The following PRRC2B variants were observed in gnomAD, a reference collection of about 807,000 sequenced individuals.
The protein encoded by PRRC2B is proline rich coiled-coil 2B.
Under a neutral mutation model 242.3 loss-of-function variants are expected in PRRC2B, and 68 were observed. The ratio of observed to expected loss-of-function variants is 0.28; its 90% CI spans 0.23 to 0.34. The LOEUF (loss-of-function observed/expected upper bound fraction) is 0.34, where lower values mean the gene tolerates loss of function less well. PRRC2B is among the 10% of genes least tolerant of loss of function. The probability of loss-of-function intolerance (pLI) is 1.00; values close to 1 mark genes in which losing one functional copy is unlikely to be tolerated. For synonymous variants in PRRC2B, 1,228 were observed against 1,173.6 expected (o/e 1.05, Z -0.95); for missense variants, 2,835 against 2,954.8 (o/e 0.96, Z 0.94).
chr9:131,456,481 A>T (rs1341975114), intron 10 of PRRC2B, among the ~76,000 whole-genome samples: 1 of 151,914 alleles, frequency 6.6e-6, no homozygotes, highest in Non-Finnish European at 1.5e-5. Flanking sequence ...AATACAAAAA[A>T]CTAGCTGGGC....
chr9:131,396,007 C>G (rs926309727), intron 1 of PRRC2B, among the ~76,000 whole-genome samples: 6 of 152,188 alleles, frequency 3.9e-5, no homozygotes, highest in African/African-American at 1.4e-4. Flanking sequence ...AAGTGTGTCT[C>G]TTGGAGCCTG....
intron 1 of PRRC2B, among the ~76,000 whole-genome samples, chr9:131,402,500 G>A (rs1172218289): frequency 6.6e-6 from 1 of 152,078 alleles, no homozygotes; most frequent in Non-Finnish European, 1.5e-5. Context: ...ATTCAGCGAC[G>A]GGCAGCAGCC....
Position 131,465,016 on chromosome 9 carries a change from T to C in PRRC2B, c.1658T>C (p.Val553Ala), listed in dbSNP as rs748619455. The change falls in exon 12 of 32, where the codon GTG (valine) becomes GCG (alanine). Residue 553 changes from valine to alanine, a missense_variant. By Grantham distance (64) the Val-to-Ala change is moderately conservative. Coordinates refer to ENST00000683519, the MANE Select transcript of PRRC2B (RefSeq NM_013318.4). ...GEARKQAEKEVPWSPSAEKAS... is the reference protein window; with the variant it reads ...GEARKQAEKEAPWSPSAEKAS... ...GCCCGGAAGCAGGCAGAGAAGGAAG[T>C]GCCCTGGTCTCCAAGTGCTGAGAAG... is the stretch of plus-strand genomic sequence containing the variant. 2 of 1,613,922 alleles carry C rather than the reference T, an allele frequency of 1.2e-6. No homozygotes were observed. The highest frequency in any genetic ancestry group is 1.7e-6 in the Non-Finnish European group (2 of 1,179,890).
chr9:131,440,610 G>A (rs564091157), intron 5 of PRRC2B, among the ~76,000 whole-genome samples: 1 of 152,286 alleles, frequency 6.6e-6, no homozygotes, highest in East Asian at 1.9e-4. Flanking sequence ...TGTGTGAAAT[G>A]ACTTGCGCAT....
intron 6 of PRRC2B, among the ~76,000 whole-genome samples, chr9:131,444,799 G>A (rs926370898): frequency 5.3e-5 from 8 of 152,164 alleles, no homozygotes; most frequent in Non-Finnish European, 1.0e-4. Flanking sequence ...ACATAAATCA[G>A]CCTGGTACTG....
rs1022959646 is a variant in PRRC2B at position 131,494,225 on chromosome 9, C to T, written c.6474-180C>T. ...TGACAGCCACCCCCTCACCCTTCTG[C>T]GTTCTGGGCTGTCTTAGGTCTGTGG... On this transcript the variant is annotated intron_variant, in intron 30 of 31. Transcript: ENST00000683519. This position sits in a 1 kb window ranked among gnomAD's most constrained non-coding sequence, Gnocchi z 4.3. 6.6e-6 allele frequency among the ~76,000 whole-genome samples: 1 copy of T among 152,236 alleles called. No individual in the cohort carries two copies. Among genetic ancestry groups the T allele is most frequent in the Non-Finnish European group, 1.5e-5 (1 of 68,046 alleles).
At chr9:131,492,944 T>C (rs1004637996) in intron 30 of PRRC2B, among the ~76,000 whole-genome samples, 6 of 152,292 alleles carry the variant, frequency 3.9e-5, no homozygotes, top group Admixed American at 3.3e-4. Context: ...TGTGGGAGAT[T>C]CCTGAGACCC....
At chr9:131,422,199 C>T (rs7854370) in intron 1 of PRRC2B, among the ~76,000 whole-genome samples, 268 of 152,172 alleles carry the variant, frequency 1.8e-3, no homozygotes, top group African/African-American at 6.2e-3. Flanking sequence ...GGATTACAGG[C>T]GCGCGCCACC....
chr9:131,473,912 G>A (rs944770778), intron 15 of PRRC2B, among the ~76,000 whole-genome samples, 188 bp downstream of exon 15: 1 of 152,160 alleles, frequency 6.6e-6, no homozygotes, highest in Non-Finnish European at 1.5e-5. Flanking sequence ...TGTCCAAGAG[G>A]CTCTTTTCAG....
At chr9:131,433,160 G>C (rs921164014) in intron 3 of PRRC2B, among the ~76,000 whole-genome samples, 3 of 152,200 alleles carry the variant, frequency 2.0e-5, no homozygotes, top group Non-Finnish European at 4.4e-5. Context: ...GGACAGAGCT[G>C]GGGCTTGAGG....
At chr9:131,380,945 G>T (rs932791619) in intron 1 of PRRC2B, among the ~76,000 whole-genome samples, 1 of 150,868 alleles carries the variant, frequency 6.6e-6, no homozygotes, top group Non-Finnish European at 1.5e-5. Flanking sequence ...CAGACATATG[G>T]TGTACACATA....
intron 1 of PRRC2B, among the ~76,000 whole-genome samples, chr9:131,420,493 C>CTTTCTTTCTT: frequency 8.3e-4 from 25 of 30,182 alleles, no homozygotes; most frequent in Non-Finnish European, 1.0e-3. Flanking sequence ...TTCTTTCTTT[C>CTTTCTTTCTT]TTTTTTTTTT....
chr9:131,421,014 T>A (rs752812107), intron 1 of PRRC2B, among the ~76,000 whole-genome samples: 25 of 152,176 alleles, frequency 1.6e-4, no homozygotes, highest in Non-Finnish European at 4.4e-5. Context: ...GCAGCCCACC[T>A]CCTGTTTTTG....
intron 28 of PRRC2B, chr9:131,490,902 C>T: frequency 3.2e-6 from 1 of 311,768 alleles, no homozygotes; most frequent in South Asian, 2.8e-5. Flanking sequence ...CCCACCCCGC[C>T]CCGTGTGCAC....
chr9:131,444,007 A>G (rs999677288), intron 5 of PRRC2B, among the ~76,000 whole-genome samples, 178 bp from the exon 6 acceptor site: 1 of 152,232 alleles, frequency 6.6e-6, no homozygotes, highest in Non-Finnish European at 1.5e-5. Flanking sequence ...TGTCAGCAGC[A>G]GTCTCCCTTG....
At chr9:131,433,217 G>GA (rs1838237059) in intron 3 of PRRC2B, among the ~76,000 whole-genome samples, 1 of 152,206 alleles carries the variant, frequency 6.6e-6, no homozygotes, top group Non-Finnish European at 1.5e-5. Context: ...GCTCTGCAGA[G>GA]AATCATGCAG....
Position 131,476,323 on chromosome 9 carries a change from C to T in PRRC2B, c.4194C>T (p.Asp1398=), listed in dbSNP as rs1368028480. 1.3e-6 allele frequency: 2 copies of T among 1,581,436 alleles called. No individual in the cohort carries two copies. Among genetic ancestry groups the T allele is most frequent in the Non-Finnish European group, 1.7e-6 (2 of 1,164,190 alleles). ...GGGAAGGCCCTGGGTCCGAGCCCGA[C>T]TCCCAGGTGGATGGTGGCCTGTCGG... ...ERREGPGSEP[D]SQVDGGLSGA... The change falls in exon 16 of 32, where the codon GAC becomes GAT. Residue 1398 remains aspartate (D), a synonymous_variant. Transcript: ENST00000683519.
chr9:131,451,514 C>G (rs1201028189), intron 9 of PRRC2B, among the ~76,000 whole-genome samples: 1 of 152,040 alleles, frequency 6.6e-6, no homozygotes, highest in African/African-American at 2.4e-5. Context: ...TACATAAACC[C>G]TTATGTAGTT....
chr9:131,396,320 CTTTTCTTTTTTT>C (rs1837055248), intron 1 of PRRC2B, among the ~76,000 whole-genome samples: 1 of 130,550 alleles, frequency 7.7e-6, no homozygotes, highest in African/African-American at 2.9e-5. Context: ...TTTTTCTTTT[CTTTTCTTTTTTT>C]TTTTTTTTTT....
Sources: allele counts gnomAD v4.1 joint callset (sites outside exome capture counted in the v4.1 genomes callset), GRCh38; gene constraint gnomAD v4.1.1; non-coding constraint Gnocchi (gnomAD v3.1); transcripts MANE v1.5; gene names NCBI Gene and HGNC (gene_info 2026-07-23, HGNC 2026-07-21).